The following ZNF251 variants were observed in gnomAD, a reference collection of about 807,000 sequenced individuals.
ZNF251 encodes zinc finger protein 251.
ZNF251 carries 14 observed loss-of-function variants against 13.5 expected under a neutral mutation model. The ratio of observed to expected loss-of-function variants is 1.04; its 90% CI spans 0.69 to 1.63. The LOEUF (loss-of-function observed/expected upper bound fraction) is 1.63, where lower values mean the gene tolerates loss of function less well. ZNF251 is among the 40% of genes most tolerant of loss of function. The probability of loss-of-function intolerance (pLI) is 0.00; values close to 1 mark genes in which losing one functional copy is unlikely to be tolerated. For synonymous variants in ZNF251, 287 were observed against 295.2 expected, an observed-to-expected ratio of 0.97 and a Z score of 0.28; for missense variants, 764 against 834.9, an observed-to-expected ratio of 0.92 and a Z score of 1.05.
chr8:144,755,225 G>C, intron 1 of ZNF251, 180 bp downstream of exon 1: 1 of 1,181,462 alleles, frequency 8.5e-7, no homozygotes, highest in Non-Finnish European at 1.1e-6. Context: ...GTGGTCCTCA[G>C]TCCAGCCTTC....
At chr8:144,739,591 G>A (rs1196397957) in intron 4 of ZNF251, among the ~76,000 whole-genome samples, 2 of 152,182 alleles carry the variant, frequency 1.3e-5, no homozygotes, top group African/African-American at 2.4e-5. Flanking sequence ...CAAAGTGCCG[G>A]AATTACAGGT....
chr8:144,754,807 C>T lies in ZNF251; in HGVS notation c.-75-4G>A, dbSNP rs1385887748. ...CCTGAAGTCTCCCCGAACTTACCTT[C>T]AGTGGGGAGAACTCAGGCTCAGCCC... On this transcript the variant is annotated splice_region_variant and splice_polypyrimidine_tract_variant and intron_variant, in intron 1 of 4. Transcript: ENST00000292562. 6.4e-7 allele frequency: 1 copy of T among 1,564,134 alleles called. No homozygotes were observed. Among genetic ancestry groups the T allele is most frequent in the Non-Finnish European group, 8.7e-7 (1 of 1,155,618 alleles).
chr8:144,742,504 G>A (rs1352503864), intron 4 of ZNF251, among the ~76,000 whole-genome samples: 5 of 110,576 alleles, frequency 4.5e-5, no homozygotes, highest in Non-Finnish European at 7.2e-5. Flanking sequence ...CTTACCTCCC[G>A]CAACAGTGAT....
intron 4 of ZNF251, among the ~76,000 whole-genome samples, chr8:144,742,240 T>G (rs1824195479): frequency 6.6e-6 from 1 of 151,630 alleles, no homozygotes; most frequent in East Asian, 1.9e-4. Context: ...ATAAAGGTAC[T>G]TTCATACACG....
chr8:144,731,766 T>G (rs1823701792), intron 4 of ZNF251, among the ~76,000 whole-genome samples: 1 of 151,720 alleles, frequency 6.6e-6, no homozygotes, highest in South Asian at 2.1e-4. Context: ...TTTTGTATTT[T>G]CAGTAGAGAC....
intron 4 of ZNF251, among the ~76,000 whole-genome samples, chr8:144,735,537 C>G (rs1225521094): frequency 6.6e-6 from 1 of 152,106 alleles, no homozygotes; most frequent in East Asian, 1.9e-4. Context: ...GCCCACATCC[C>G]CCACATCTGT....
intron 4 of ZNF251, chr8:144,738,670 C>G (rs1586694255): frequency 4.1e-6 from 4 of 985,308 alleles, no homozygotes; most frequent in Non-Finnish European, 4.8e-6. Flanking sequence ...GTGGAAACAG[C>G]ACAGTTCTCT....
At chr8:144,741,397 T>C (rs1306410516) in intron 4 of ZNF251, among the ~76,000 whole-genome samples, 1 of 152,154 alleles carries the variant, frequency 6.6e-6, no homozygotes, top group Non-Finnish European at 1.5e-5. Flanking sequence ...TGCGTAAACA[T>C]GTACATACAC....
In ZNF251 at chr8:144,722,869, G is replaced by A. The variant is rs776429240; in HGVS notation, c.791C>T (p.Pro264Leu). 1 of 1,613,988 alleles carries A rather than the reference G, an allele frequency of 6.2e-7. No homozygotes were observed. The highest frequency in any genetic ancestry group is 8.5e-7 in the Non-Finnish European group (1 of 1,179,890). ...LHHHIHTGNK[P>L]FKCDECGKTF... ...TTTCCCACATTCATCACATTTAAAT[G>A]GTTTATTTCCAGTGTGAATGTGATG... The change falls in exon 5 of 5, where the codon CCA becomes CTA. Residue 264 changes from proline (P) to leucine (L), a missense_variant. Physicochemically the swap from Pro to Leu is moderately conservative, Grantham distance 98. Coordinates refer to ENST00000292562, the MANE Select transcript of ZNF251 (RefSeq NM_138367.2). This position sits in a 1 kb window ranked among gnomAD's most constrained non-coding sequence, Gnocchi z 4.8.
intron 4 of ZNF251, among the ~76,000 whole-genome samples, chr8:144,747,383 T>G (rs1249827237): frequency 1.3e-5 from 2 of 152,244 alleles, no homozygotes; most frequent in African/African-American, 4.8e-5. Context: ...GTGGTCTATC[T>G]TAGTGAATGT....
intron 3 of ZNF251, 106 bp from the exon 4 acceptor site, chr8:144,753,902 T>C (rs1043971666): frequency 1.1e-6 from 1 of 889,872 alleles, no homozygotes; most frequent in Non-Finnish European, 1.7e-6. Flanking sequence ...TGCACGTGTG[T>C]TGGTCAGGGG....
rs766508204 is a variant in ZNF251, at chr8:144,721,089, A to G, written c.*555T>C. ...TAGAGCTCCTTAGAACCAAAACCAA[A>G]CCACCTTTCATTTTAATGAAAATGA... On this transcript the variant is annotated 3_prime_UTR_variant, in exon 5 of 5. Transcript: ENST00000292562. 3.1e-4 allele frequency: 48 copies of G among 153,930 alleles called. No individual in the cohort carries two copies. Among genetic ancestry groups the G allele is most frequent in the Non-Finnish European group, 5.6e-4 (39 of 69,356 alleles). 9.5% of individuals were successfully genotyped at this position (153,930 alleles called of 1,614,324 possible).
At chr8:144,739,522 C>A (rs1824062260) in intron 4 of ZNF251, among the ~76,000 whole-genome samples, 2 of 152,194 alleles carry the variant, frequency 1.3e-5, no homozygotes, top group East Asian at 1.9e-4. Context: ...ATGCCAGGAA[C>A]CTTATTTTGC....
chr8:144,753,132 AG>A (rs1357249485), intron 4 of ZNF251, among the ~76,000 whole-genome samples: 1 of 151,918 alleles, frequency 6.6e-6, no homozygotes, highest in African/African-American at 2.4e-5. Context: ...AAAACTAGCC[AG>A]GTATGGTGAC....
In ZNF251 at chr8:144,732,586, G is replaced by GCA. The variant is rs879742909; in HGVS notation, c.278-9205_278-9204insTG. On this transcript the variant is annotated intron_variant, in intron 4 of 4. Coordinates refer to ENST00000292562, the MANE Select transcript of ZNF251 (RefSeq NM_138367.2). ...CCAGCACTTGGGGAGGCCAAGGCGG[G>GCA]GGAATCACGAGGTCAGGAGATGGAG... 7.1e-3 allele frequency among the ~76,000 whole-genome samples: 1,083 copies of GCA among 151,934 alleles called. 5 individuals carry two copies. The highest frequency in any genetic ancestry group is 0.01 in the Non-Finnish European group (712 of 67,992).
chr8:144,754,089 C>G (rs1369634026), intron 3 of ZNF251, 103 bp downstream of exon 3: 2 of 1,460,904 alleles, frequency 1.4e-6, no homozygotes, highest in Admixed American at 4.9e-5. Context: ...TACCCGGGGA[C>G]AAGGGGCAGG....
At position 144,722,294 on chromosome 8, in the gene ZNF251, T is replaced by C. The variant is rs767810157; in HGVS notation, c.1366A>G (p.Thr456Ala). The C allele has an allele frequency of 5.6e-6, 9 of 1,613,998 alleles. No individual in the cohort carries two copies. The highest frequency in any genetic ancestry group is 7.6e-6 in the Non-Finnish European group (9 of 1,179,912). ...ACGCACTGGTAGGGCTTCTCCCCAG[T>C]GTGAACTCTTCGATGCTGAACAAGA... ...STLVQHRRVHTGEKPYQCVEC... is the reference protein window; with the variant it reads ...STLVQHRRVHAGEKPYQCVEC... Residue 456 changes from threonine to alanine, a missense_variant, in exon 5 of 5, where the codon ACT becomes GCT. Physicochemically the swap from Thr to Ala is moderately conservative, Grantham distance 58. Transcript: ENST00000292562. The surrounding 1 kb of genome is among the most constrained non-coding windows in gnomAD (Gnocchi z 4.8).
At position 144,732,794 on chromosome 8, in the gene ZNF251, A is replaced by G. The variant is rs1394278309; in HGVS notation, c.278-9412T>C. Among the ~76,000 whole-genome samples the G allele has an allele frequency of 1.2e-4, 17 of 145,232 alleles. No individual in the cohort carries two copies. In the East Asian group the frequency reaches 3.1e-3, roughly 27 times the overall value. Reference sequence around the variant, plus strand: ...ACCACTGCACTCCAGCCTGGGCGACAGAGCGAGACTCCGTCTCAAAAAAAA... The same window carrying G: ...ACCACTGCACTCCAGCCTGGGCGACGGAGCGAGACTCCGTCTCAAAAAAAA... On this transcript the variant is annotated intron_variant, in intron 4 of 4. Transcript: ENST00000292562.
At chr8:144,748,120 C>G (rs1364437785) in intron 4 of ZNF251, among the ~76,000 whole-genome samples, 1 of 152,054 alleles carries the variant, frequency 6.6e-6, no homozygotes, top group East Asian at 1.9e-4. Flanking sequence ...GTCGCCCAGG[C>G]TGCAGTGCAA....
Sources: allele counts gnomAD v4.1 joint callset (sites outside exome capture counted in the v4.1 genomes callset), GRCh38; gene constraint gnomAD v4.1.1; non-coding constraint Gnocchi (gnomAD v3.1); transcripts MANE v1.5; gene names NCBI Gene and HGNC (gene_info 2026-07-23, HGNC 2026-07-21).